Variants in PRKAR2B observed in about 807,000 individuals in gnomAD.
PRKAR2B encodes protein kinase cAMP-dependent type II regulatory subunit beta, also known as cAMP-dependent protein kinase type II-beta regulatory subunit.
In PRKAR2B, 14 loss-of-function variants were observed where a neutral mutation model predicts 49.9. The ratio of observed to expected loss-of-function variants is 0.28; its 90% CI spans 0.19 to 0.44. The LOEUF (loss-of-function observed/expected upper bound fraction) is 0.44. Ranked by LOEUF, PRKAR2B falls within the 20% of genes least tolerant of loss-of-function variation. The pLI is 1.00. For missense variants in PRKAR2B, 393 were observed against 537.9 expected, an observed-to-expected ratio of 0.73 and a Z score of 2.67; for synonymous variants, 196 against 197.7, an observed-to-expected ratio of 0.99 and a Z score of 0.07.
chr7:107,052,653 C>A (rs1421702870), intron 1 of PRKAR2B, among the ~76,000 whole-genome samples: 1 of 152,126 alleles, frequency 6.6e-6, no homozygotes, highest in Non-Finnish European at 1.5e-5. Flanking sequence ...TTCAGTAATT[C>A]TTTTAGCAGT....
intron 2 of PRKAR2B, among the ~76,000 whole-genome samples, chr7:107,075,737 T>C (rs1384431872): frequency 1.3e-5 from 2 of 152,130 alleles, no homozygotes; most frequent in African/African-American, 4.8e-5. Flanking sequence ...AAACGTTCGC[T>C]CTCAGCCTTC....
chr7:107,147,620 C>G (rs910741553), intron 6 of PRKAR2B, among the ~76,000 whole-genome samples: 1 of 152,148 alleles, frequency 6.6e-6, no homozygotes, highest in Non-Finnish European at 1.5e-5. Flanking sequence ...GGGTGAGGCC[C>G]GTGATTTTTG....
intron 2 of PRKAR2B, among the ~76,000 whole-genome samples, chr7:107,071,476 G>A (rs988873599): frequency 6.6e-6 from 1 of 150,678 alleles, no homozygotes; most frequent in Non-Finnish European, 1.5e-5. Flanking sequence ...AGTGTAGATT[G>A]TAATGCCTTT....
intron 1 of PRKAR2B, among the ~76,000 whole-genome samples, chr7:107,052,349 C>T (rs1294538397): frequency 3.9e-5 from 6 of 152,098 alleles, no homozygotes; most frequent in African/African-American, 9.7e-5. Context: ...ACCCTGGAGA[C>T]GGAGGTTGCA....
chr7:107,151,347 T>C (rs1308338480), intron 7 of PRKAR2B, among the ~76,000 whole-genome samples: 1 of 152,224 alleles, frequency 6.6e-6, no homozygotes, highest in East Asian at 1.9e-4. Flanking sequence ...AGTGAGGCGT[T>C]CTCTAGATAT....
In PRKAR2B at chr7:107,154,295, A is replaced by G. The variant is rs562109190; in HGVS notation, c.918+1044A>G. 1.1e-4 allele frequency among the ~76,000 whole-genome samples: 16 copies of G among 152,340 alleles called. No homozygotes were observed. In the East Asian group the frequency reaches 1.5e-3, roughly 15 times the overall value. ...GTGTACTCTTCACCCAGTTTCTCCT[A>G]ATGCGTTTTGCATCACTGTTAATAA... On this transcript the variant is annotated intron_variant, in intron 8 of 10. Transcript: ENST00000265717.
chr7:107,064,204 G>T (rs1794084346), intron 1 of PRKAR2B, among the ~76,000 whole-genome samples: 1 of 152,100 alleles, frequency 6.6e-6, no homozygotes, highest in African/African-American at 2.4e-5. Flanking sequence ...TTTTCTAAGA[G>T]GGCATTGTTG....
intron 4 of PRKAR2B, 42 bp downstream of exon 4, chr7:107,128,337 C>T: frequency 6.9e-7 from 1 of 1,444,060 alleles, no homozygotes; most frequent in Non-Finnish European, 9.7e-7. Context: ...TGTTTTTTCC[C>T]CCAGTGACAG....
At chr7:107,074,148 C>T (rs929242558) in intron 2 of PRKAR2B, among the ~76,000 whole-genome samples, 8 of 152,122 alleles carry the variant, frequency 5.3e-5, no homozygotes, top group African/African-American at 1.9e-4. Flanking sequence ...TGGAGCCTTG[C>T]TCTGTTGCCC....
intron 1 of PRKAR2B, among the ~76,000 whole-genome samples, chr7:107,066,301 GGTGTGT>G (rs3074837): frequency 6.5e-4 from 95 of 145,604 alleles, no homozygotes; most frequent in Admixed American, 2.2e-3. Context: ...CTCTATGTGG[GGTGTGT>G]GTGTGTGTGT....
chr7:107,148,955 A>T (rs1795939416), intron 6 of PRKAR2B, among the ~76,000 whole-genome samples: 1 of 152,216 alleles, frequency 6.6e-6, no homozygotes, highest in Non-Finnish European at 1.5e-5. Flanking sequence ...TCTTTCTGAG[A>T]GATATAACTG....
intron 10 of PRKAR2B, among the ~76,000 whole-genome samples, chr7:107,157,829 T>A (rs1796123126): frequency 6.6e-6 from 1 of 152,216 alleles, no homozygotes; most frequent in Non-Finnish European, 1.5e-5. Flanking sequence ...GGCAGAAATG[T>A]CATCTTCAGG....
At chr7:107,112,975 T>C (rs1240875335) in intron 2 of PRKAR2B, among the ~76,000 whole-genome samples, 4 of 152,186 alleles carry the variant, frequency 2.6e-5, no homozygotes, top group Non-Finnish European at 5.9e-5. Flanking sequence ...TTAAACTATT[T>C]TCTTATAATT....
chr7:107,144,882 T>C (rs1167250414), intron 5 of PRKAR2B, among the ~76,000 whole-genome samples: 1 of 151,214 alleles, frequency 6.6e-6, no homozygotes, highest in African/African-American at 2.4e-5. Context: ...GAATTTTTTC[T>C]ATCTGCCCTC....
intron 1 of PRKAR2B, among the ~76,000 whole-genome samples, chr7:107,068,297 A>G (rs1584409348): frequency 6.6e-6 from 1 of 152,120 alleles, no homozygotes; most frequent in Admixed American, 6.5e-5. Flanking sequence ...GAGAATGTCT[A>G]CTATATTTTT....
intron 1 of PRKAR2B, among the ~76,000 whole-genome samples, chr7:107,054,716 G>A (rs924114778): frequency 1.3e-5 from 2 of 152,148 alleles, no homozygotes; most frequent in Non-Finnish European, 2.9e-5. Context: ...CACAGTAGGT[G>A]TGCAAATGTT....
At chr7:107,151,779 G>A (rs1017465991) in intron 7 of PRKAR2B, among the ~76,000 whole-genome samples, 8 of 152,060 alleles carry the variant, frequency 5.3e-5, no homozygotes, top group Non-Finnish European at 8.8e-5. Context: ...TCTGCCTGGC[G>A]TTGTACTGCA....
chr7:107,060,162 A>G (rs1355936101), intron 1 of PRKAR2B, among the ~76,000 whole-genome samples: 1 of 152,186 alleles, frequency 6.6e-6, no homozygotes, highest in Non-Finnish European at 1.5e-5. Context: ...ATATCAATGG[A>G]TATAACCATA....
At chr7:107,100,931 A>G (rs1316779651) in intron 2 of PRKAR2B, among the ~76,000 whole-genome samples, 3 of 151,878 alleles carry the variant, frequency 2.0e-5, no homozygotes, top group Admixed American at 2.0e-4. Flanking sequence ...CATATTTATA[A>G]TAGCTGCCTT....
Sources: gnomAD v4.1 joint callset for allele counts (sites outside exome capture counted in the v4.1 genomes callset) on GRCh38, gnomAD v4.1.1 for gene constraint, MANE v1.5 for transcripts, NCBI Gene and HGNC (gene_info 2026-07-23, HGNC 2026-07-21) for gene names.